Variants in LINGO2 observed in about 807,000 individuals in gnomAD.
The protein encoded by LINGO2 is leucine rich repeat and Ig domain containing 2, also known as leucine-rich repeat and immunoglobulin-like domain-containing nogo receptor-interacting protein 2.
Under a neutral mutation model 30.6 loss-of-function variants are expected in LINGO2, and 14 were observed. The observed-to-expected ratio is 0.46, with a 90% confidence interval of 0.30 to 0.72. LINGO2 has a LOEUF of 0.72. LINGO2 is among the 30% of genes least tolerant of loss of function. LINGO2 has a pLI of 0.07. For missense variants in LINGO2, 729 were observed against 751.7 expected (o/e 0.97, Z 0.35); for synonymous variants, 317 against 288.5 (o/e 1.10, Z -1.00).
At chr9:27,986,034 T>G (rs7029874) in intron 5 of LINGO2, among the ~76,000 whole-genome samples, 68,181 of 151,606 alleles carry the variant, frequency 0.45, 16,233 homozygotes, top group African/African-American at 0.62. Context: ...TTTTAGAAAG[T>G]AAACTGCCTT....
chr9:28,568,977 G>GAATACTCAA (rs1823535702), intron 1 of LINGO2, among the ~76,000 whole-genome samples: 1 of 146,806 alleles, frequency 6.8e-6, no homozygotes, highest in African/African-American at 2.7e-5. Flanking sequence ...AGTGGGCAAA[G>GAATACTCAA]GACTGTAATA....
chr9:28,266,328 C>A (rs1822749173), intron 4 of LINGO2, among the ~76,000 whole-genome samples: 1 of 151,932 alleles, frequency 6.6e-6, no homozygotes, highest in South Asian at 2.1e-4. Flanking sequence ...TCAGAGGATT[C>A]TTATAAGAAA....
chr9:28,402,084 C>G (rs866928330), intron 2 of LINGO2, among the ~76,000 whole-genome samples: 4 of 152,170 alleles, frequency 2.6e-5, no homozygotes, highest in Middle Eastern at 3.4e-3. Flanking sequence ...TGACCAAGGC[C>G]TCACTAGGGC....
chr9:28,129,567 A>G lies in LINGO2; in HGVS notation c.-86-117162T>C, dbSNP rs1187179882. 7 of 152,024 alleles carry G rather than the reference A, an allele frequency of 4.6e-5. No homozygotes were observed. Among genetic ancestry groups the G allele is most frequent in the Non-Finnish European group, 1.0e-4 (7 of 68,022 alleles). 9.4% of individuals were successfully genotyped at this position (152,024 alleles called of 1,614,324 possible). ...GAATGGATCTAGGATTACTTCCCTG[A>G]CTCTTCCCAACTCACTTGACCTATC... On this transcript the variant is annotated intron_variant, in intron 4 of 5. Coordinates refer to ENST00000379992, the Ensembl canonical transcript of LINGO2. This position sits in a 1 kb window ranked among gnomAD's most constrained non-coding sequence, Gnocchi z 4.0.
the LINGO2 span, among the ~76,000 whole-genome samples, chr9:29,030,719 G>T: frequency 1.4e-4 from 21 of 152,180 alleles, no homozygotes; most frequent in East Asian, 9.7e-4. Context: ...TATCTACAGG[G>T]TTTCCCACTG....
At chr9:29,092,306 C>T in the LINGO2 span, among the ~76,000 whole-genome samples, 1 of 151,844 alleles carries the variant, frequency 6.6e-6, no homozygotes, top group Non-Finnish European at 1.5e-5. Context: ...TGTTGTGTTC[C>T]AAGGACAACA....
At chr9:28,547,520 C>T (rs867051416) in intron 1 of LINGO2, among the ~76,000 whole-genome samples, 1 of 152,058 alleles carries the variant, frequency 6.6e-6, no homozygotes, top group Non-Finnish European at 1.5e-5. Flanking sequence ...ACATATAAAA[C>T]AACTTTAGTT....
chr9:28,989,618 C>T, the LINGO2 span, among the ~76,000 whole-genome samples: 47 of 152,156 alleles, frequency 3.1e-4, no homozygotes, highest in African/African-American at 8.4e-4. Flanking sequence ...TACCTGTACA[C>T]GTAATTGTTA....
rs141942792 is a variant in LINGO2, at chr9:28,636,337, C to T, written c.-365+33863G>A. Among the ~76,000 whole-genome samples, 1,253 of 152,104 alleles carry T rather than the reference C, an allele frequency of 8.2e-3. 27 individuals are homozygous for T. The highest frequency in any genetic ancestry group is 0.036 in the East Asian group (186 of 5,168). On this transcript the variant is annotated intron_variant, in intron 1 of 5. Coordinates refer to ENST00000379992, the Ensembl canonical transcript of LINGO2. The stretch of plus-strand genomic sequence containing the variant: ...GTTTTATAATCCTTTGGGTATATAC[C>T]CAGTAATGGGATGGCGGGGACAAAT...
chr9:28,065,813 G>T (rs968811340), intron 4 of LINGO2, among the ~76,000 whole-genome samples: 2 of 151,944 alleles, frequency 1.3e-5, no homozygotes, highest in African/African-American at 4.8e-5. Flanking sequence ...ATCATAATGA[G>T]AATGAGAATG....
chr9:28,021,865 TA>T (rs58646020), intron 4 of LINGO2, among the ~76,000 whole-genome samples: 48,400 of 151,806 alleles, frequency 0.32, 8,764 homozygotes, highest in African/African-American at 0.49. Flanking sequence ...TCTTGATCTT[TA>T]AAGTGGGTTT....
intron 1 of LINGO2, among the ~76,000 whole-genome samples, chr9:28,548,322 G>A (rs1822060926): frequency 6.6e-6 from 1 of 152,062 alleles, no homozygotes. Context: ...TTTTGAACTG[G>A]CATTTCCTAC....
intron 5 of LINGO2, among the ~76,000 whole-genome samples, chr9:27,953,167 G>A (rs1384156124): frequency 5.3e-5 from 8 of 151,956 alleles, no homozygotes; most frequent in Non-Finnish European, 1.0e-4. Context: ...ATTAACAAGG[G>A]TAGAAGAAAA....
chr9:28,407,156 AG>A (rs753847624), intron 2 of LINGO2, among the ~76,000 whole-genome samples: 2 of 152,110 alleles, frequency 1.3e-5, no homozygotes, highest in African/African-American at 2.4e-5. Context: ...CTATTTATCA[AG>A]ATAAGGAAAG....
chr9:28,821,023 C>T, the LINGO2 span, among the ~76,000 whole-genome samples: 2 of 152,222 alleles, frequency 1.3e-5, no homozygotes, highest in South Asian at 4.1e-4. Flanking sequence ...CTGCTGCTTT[C>T]ACAGCTAGAA....
At chr9:28,697,801 G>C in the LINGO2 span, among the ~76,000 whole-genome samples, 1 of 151,918 alleles carries the variant, frequency 6.6e-6, no homozygotes, top group African/African-American at 2.4e-5. Flanking sequence ...ACCCCAGGGC[G>C]CTTCTTATTG....
At chr9:28,382,904 T>C (rs549396637) in intron 2 of LINGO2, among the ~76,000 whole-genome samples, 14 of 152,156 alleles carry the variant, frequency 9.2e-5, no homozygotes, top group African/African-American at 3.4e-4. Context: ...CTAAATAAAT[T>C]TTATCATTTT....
chr9:28,364,843 A>G (rs1365232137), intron 3 of LINGO2, among the ~76,000 whole-genome samples: 1 of 152,196 alleles, frequency 6.6e-6, no homozygotes, highest in African/African-American at 2.4e-5. Flanking sequence ...TCAGTTGTTT[A>G]AAAAGGCACA....
At chr9:28,501,981 G>A (rs1819905522) in intron 1 of LINGO2, among the ~76,000 whole-genome samples, 1 of 151,838 alleles carries the variant, frequency 6.6e-6, no homozygotes, top group Non-Finnish European at 1.5e-5. Context: ...GTAGGAGGAA[G>A]GGAGGAAGAA....
Sources: allele counts gnomAD v4.1 joint callset (sites outside exome capture counted in the v4.1 genomes callset), GRCh38; gene constraint gnomAD v4.1.1; non-coding constraint Gnocchi (gnomAD v3.1); transcripts MANE v1.5; gene names NCBI Gene and HGNC (gene_info 2026-07-23, HGNC 2026-07-21).